Variants in ESRRB observed in about 807,000 individuals in gnomAD.
ESRRB encodes the protein estrogen related receptor beta, also known as steroid hormone receptor ERR2.
In ESRRB, 16 loss-of-function variants were observed where a neutral mutation model predicts 46.0. That is an observed-to-expected ratio of 0.35 (90% CI 0.24 to 0.53). The LOEUF (loss-of-function observed/expected upper bound fraction) is 0.53, where lower values mean the gene tolerates loss of function less well. Among genes scored for constraint, ESRRB ranks in the 20% least tolerant of loss-of-function variants. The pLI is 0.93. For synonymous variants in ESRRB, 246 were observed against 259.6 expected (o/e 0.95, Z 0.50); for missense variants, 488 against 607.4 (o/e 0.80, Z 2.07).
At chr14:76,428,241 G>GCC (rs1887285340) in intron 1 of ESRRB, among the ~76,000 whole-genome samples, 1 of 151,996 alleles carries the variant, frequency 6.6e-6, no homozygotes, top group African/African-American at 2.4e-5. Context: ...CAGGTGATCC[G>GCC]CCCACCTTGG....
chr14:76,402,922 A>G (rs895633944), intron 1 of ESRRB, among the ~76,000 whole-genome samples: 6 of 151,892 alleles, frequency 4.0e-5, no homozygotes, highest in African/African-American at 1.2e-4. Flanking sequence ...GAGTCCAGTG[A>G]TGTGGCCACA....
Position 76,443,982 on chromosome 14 carries a change from A to G in ESRRB, c.460+4232A>G, listed in dbSNP as rs924370881. On this transcript the variant is annotated intron_variant, in intron 2 of 6. Coordinates refer to ENST00000644823, the MANE Select transcript of ESRRB (RefSeq NM_001379180.1). ...AAAGAGGTTTATATTCAGGACAGGG[A>G]AAAGTAAACTCAAGGCTGACAGATT... 2.0e-5 allele frequency among the ~76,000 whole-genome samples: 3 copies of G among 152,224 alleles called. No homozygotes were observed. The South Asian group carries it at 6.2e-4, about 32-fold the overall frequency.
At chr14:76,379,192 G>A (rs900445023) in intron 1 of ESRRB, among the ~76,000 whole-genome samples, 7 of 152,066 alleles carry the variant, frequency 4.6e-5, no homozygotes, top group Non-Finnish European at 8.8e-5. Context: ...AATCCTGTAG[G>A]TGACTCCATT....
intron 1 of ESRRB, among the ~76,000 whole-genome samples, chr14:76,431,016 G>A (rs1280116043): frequency 1.3e-5 from 2 of 152,186 alleles, no homozygotes; most frequent in Non-Finnish European, 2.9e-5. Context: ...ACAGTGAGAG[G>A]CCGGGCCTGA....
intron 1 of ESRRB, among the ~76,000 whole-genome samples, chr14:76,322,653 T>C (rs1021116691): frequency 2.0e-5 from 3 of 152,208 alleles, no homozygotes; most frequent in African/African-American, 7.2e-5. Flanking sequence ...TCTTAACCCC[T>C]TGGGGGACAC....
chr14:76,316,258 G>C (rs905693913), intron 1 of ESRRB, among the ~76,000 whole-genome samples: 1 of 152,266 alleles, frequency 6.6e-6, no homozygotes. Flanking sequence ...TCCCATGCAG[G>C]GACTCACGAT....
intron 1 of ESRRB, among the ~76,000 whole-genome samples, chr14:76,393,470 A>G (rs2139823911): frequency 6.6e-6 from 1 of 152,336 alleles, no homozygotes; most frequent in African/African-American, 2.4e-5. Flanking sequence ...TTTGGTCTAT[A>G]AGTGTATTTT....
chr14:76,326,245 A>G (rs1012120854), intron 1 of ESRRB, among the ~76,000 whole-genome samples: 2 of 152,152 alleles, frequency 1.3e-5, no homozygotes, highest in Non-Finnish European at 2.9e-5. Context: ...AAAAAGGTAA[A>G]GAAAGAAAGA....
At position 76,500,793 on chromosome 14, in the gene ESRRB, A is replaced by C; in HGVS notation, c.*2335A>C. On this transcript the variant is annotated 3_prime_UTR_variant, in exon 7 of 7. Transcript: ENST00000644823. ...CCTCACTGGATCTAGTGTTGCTGCGAGTGACCTCACTTCAGAGCCCCTCTA... is the reference window on the plus strand; with the variant it reads ...CCTCACTGGATCTAGTGTTGCTGCGCGTGACCTCACTTCAGAGCCCCTCTA... 6.4e-7 allele frequency: 1 copy of C among 1,551,418 alleles called. No homozygotes were observed.
chr14:76,424,108 T>A (rs1305908803), intron 1 of ESRRB, among the ~76,000 whole-genome samples: 2 of 152,230 alleles, frequency 1.3e-5, no homozygotes, highest in Non-Finnish European at 2.9e-5. Flanking sequence ...AGTTTGCTCC[T>A]CTGCAAAATG....
chr14:76,327,659 G>A (rs1256198960), intron 1 of ESRRB, among the ~76,000 whole-genome samples: 2 of 152,088 alleles, frequency 1.3e-5, no homozygotes, highest in East Asian at 1.9e-4. Context: ...TTGAATGGCG[G>A]CACTGGAAGT....
chr14:76,498,272 G>A lies in ESRRB; in HGVS notation c.1179G>A (p.Glu393=). 2 of 1,613,848 alleles carry A rather than the reference G, an allele frequency of 1.2e-6. No individual in the cohort carries two copies. The highest frequency in any genetic ancestry group is 4.5e-5 in the East Asian group (2 of 44,886). Residue 393 remains glutamate, a synonymous_variant, in exon 7 of 7, where the codon GAG becomes GAA. Transcript: ENST00000644823. ...AGAAGCTGCAGGACCTGCTGCACGA[G>A]GCACTGCAGGACTACGAGCTGAGCC... ...AVQKLQDLLH[E]ALQDYELSQR... is the part of the protein sequence containing the mutation.
At chr14:76,365,641 G>A (rs968853992) in intron 1 of ESRRB, among the ~76,000 whole-genome samples, 7 of 152,186 alleles carry the variant, frequency 4.6e-5, no homozygotes, top group Non-Finnish European at 7.3e-5. Context: ...TGTAGTGTGT[G>A]TGTGTCTGAC....
At chr14:76,332,708 A>G (rs1396667322) in intron 1 of ESRRB, among the ~76,000 whole-genome samples, 1 of 39,398 alleles carries the variant, frequency 2.5e-5, no homozygotes, top group Non-Finnish European at 4.0e-5. Flanking sequence ...TATATTATAT[A>G]TATTTATATA....
intron 1 of ESRRB, among the ~76,000 whole-genome samples, chr14:76,429,121 G>C (rs1393999549): frequency 6.6e-6 from 1 of 151,920 alleles, no homozygotes; most frequent in African/African-American, 2.4e-5. Flanking sequence ...TGGACATAGA[G>C]GGTATTGGGG....
At chr14:76,497,809 C>T (rs775097116) in intron 6 of ESRRB, among the ~76,000 whole-genome samples, 4 of 152,108 alleles carry the variant, frequency 2.6e-5, no homozygotes, top group Non-Finnish European at 5.9e-5. Context: ...TGTTATAAAC[C>T]CTTGACCTGT....
intron 1 of ESRRB, among the ~76,000 whole-genome samples, chr14:76,384,817 AG>A (rs1170620481): frequency 6.6e-6 from 1 of 152,136 alleles, no homozygotes; most frequent in Non-Finnish European, 1.5e-5. Flanking sequence ...AGAGAGGCAA[AG>A]TCATCTCTCC....
Position 76,398,621 on chromosome 14 carries a change from C to T in ESRRB, c.50+22170C>T, listed in dbSNP as rs1885801205. On this transcript the variant is annotated intron_variant, in intron 1 of 6. Coordinates refer to ENST00000644823, the MANE Select transcript of ESRRB (RefSeq NM_001379180.1). ...GGAAGGGGTCAGAGGAGAGGATTGC[C>T]TCTCTCTAGGTAGTCAAGGGGGCAT... 2.0e-5 allele frequency among the ~76,000 whole-genome samples: 3 copies of T among 152,182 alleles called. No homozygotes were observed. In the East Asian group the frequency reaches 5.8e-4, roughly 30 times the overall value.
chr14:76,355,403 A>G (rs888210286), intron 1 of ESRRB, among the ~76,000 whole-genome samples: 6 of 151,688 alleles, frequency 4.0e-5, no homozygotes, highest in Non-Finnish European at 7.4e-5. Flanking sequence ...AACTTTCAAG[A>G]CTCAGCCCAA....
Sources: allele counts gnomAD v4.1 joint callset (sites outside exome capture counted in the v4.1 genomes callset), GRCh38; gene constraint gnomAD v4.1.1; transcripts MANE v1.5; gene names NCBI Gene and HGNC (gene_info 2026-07-23, HGNC 2026-07-21).